The following OSBPL5 variants were observed in gnomAD, a reference collection of about 807,000 sequenced individuals.
The protein encoded by OSBPL5 is oxysterol-binding protein-related protein 5.
OSBPL5 carries 71 observed loss-of-function variants against 111.2 expected under a neutral mutation model. The observed-to-expected ratio is 0.64, with a 90% CI of 0.53 to 0.78. OSBPL5 has a LOEUF of 0.78. Among genes scored for constraint, OSBPL5 ranks in the 30% least tolerant of loss-of-function variants. The pLI is 0.00. For synonymous variants in OSBPL5, 549 were observed against 513.9 expected (o/e 1.07, Z -0.93); for missense variants, 1,210 against 1,189.3 (o/e 1.02, Z -0.26).
rs978298477 is a variant in OSBPL5, at chr11:3,105,485, G to C, written c.1060-1108C>G. ...GGGCTTGGAAATCATGGGTAGCTTC[G>C]GCTGTCAGGAATCCTGCTCTGTCCA... On this transcript the variant is annotated intron_variant, in intron 9 of 21. Coordinates refer to ENST00000263650, the MANE Select transcript of OSBPL5 (RefSeq NM_020896.4). The surrounding 1 kb of genome is among the most constrained non-coding windows in gnomAD (Gnocchi z 5.2). Among the ~76,000 whole-genome samples, 5 of 152,048 alleles carry C rather than the reference G, an allele frequency of 3.3e-5. 1 individual carries two copies. The highest frequency in any genetic ancestry group is 1.3e-4 in the Admixed American group (2 of 15,276).
rs1277817372 is a variant in OSBPL5, at chr11:3,131,443, T to C, written c.-21-2274A>G. On this transcript the variant is annotated intron_variant, in intron 1 of 21. Coordinates refer to ENST00000263650, the MANE Select transcript of OSBPL5 (RefSeq NM_020896.4). ...ATCTATCCATCAATCCATCCATCCA[T>C]CCATCTACCCATTCATCCATCCACC... Among the ~76,000 whole-genome samples, 7 of 140,762 alleles carry C rather than the reference T, an allele frequency of 5.0e-5. No homozygotes were observed. The Admixed American group carries it at 5.0e-4, about 10-fold the overall frequency. The allele number at this position is 140,762 out of a possible 152,430, so 92.3% of individuals were successfully genotyped here.
intron 10 of OSBPL5, among the ~76,000 whole-genome samples, chr11:3,103,793 T>A (rs150015595): frequency 0.11 from 3,952 of 34,732 alleles, 165 homozygotes; most frequent in South Asian, 0.15. Context: ...AGTCCCTTCC[T>A]GCCTCTGCAG....
Position 3,142,270 on chromosome 11 carries a change from C to T in OSBPL5, c.-21-13101G>A, listed in dbSNP as rs537186166. 1.5e-3 allele frequency among the ~76,000 whole-genome samples: 224 copies of T among 152,352 alleles called. 1 individual carries two copies. Among genetic ancestry groups the T allele is most frequent in the African/African-American group, 4.5e-3 (187 of 41,582 alleles). The stretch of plus-strand genomic sequence containing the variant: ...AGAAGCTGACTCGCCCAGGGCCACA[C>T]GGCAGGTTGGTGCAGGAGGTGCTGG... On this transcript the variant is annotated intron_variant, in intron 1 of 21. Coordinates refer to ENST00000263650, the MANE Select transcript of OSBPL5 (RefSeq NM_020896.4). The surrounding 1 kb of genome is among the most constrained non-coding windows in gnomAD (Gnocchi z 7.1).
chr11:3,091,190 G>C (rs917545156), intron 19 of OSBPL5, among the ~76,000 whole-genome samples: 8 of 152,256 alleles, frequency 5.3e-5, no homozygotes, highest in African/African-American at 1.9e-4. Context: ...ACAACCCCAG[G>C]AGTGCAGGCA....
chr11:3,164,630 A>C (rs1319303995), intron 1 of OSBPL5, among the ~76,000 whole-genome samples: 1 of 152,172 alleles, frequency 6.6e-6, no homozygotes, highest in Non-Finnish European at 1.5e-5. Context: ...TGCCCCAGAG[A>C]TGGGGGCTGT....
rs1354301627 is a variant in OSBPL5, at chr11:3,094,480, G to C, written c.1622-146C>G. 9 of 628,842 alleles carry C rather than the reference G, an allele frequency of 1.4e-5. No homozygotes were observed. In the Admixed American group the frequency reaches 2.1e-4, roughly 15 times the overall value. 39.0% of individuals were successfully genotyped at this position (628,842 alleles called of 1,614,324 possible). On this transcript the variant is annotated intron_variant, in intron 14 of 21. Transcript: ENST00000263650. ...GAGGCCTGTGTCAGTCCCTGGGAGG[G>C]TGAGAAGGACAGGAGGCGCTGGGAG...
rs376129071 is a variant in OSBPL5, at chr11:3,088,156, C to T, written c.*49G>A. On this transcript the variant is annotated 3_prime_UTR_variant, in exon 22 of 22. Transcript: ENST00000263650. Reference sequence around the variant, plus strand: ...TGGAGCAGGCTTAAAGTGCTGGGTGCCTGGGAGGGAGGGCTCAGGACCGGC... The same window carrying T: ...TGGAGCAGGCTTAAAGTGCTGGGTGTCTGGGAGGGAGGGCTCAGGACCGGC... The T allele has an allele frequency of 8.8e-6, 13 of 1,478,286 alleles. No individual in the cohort carries two copies. The African/African-American group carries it at 1.3e-4, about 15-fold the overall frequency. The allele number at this position is 1,478,286 out of a possible 1,614,324, so 91.6% of individuals were successfully genotyped here. A position where few individuals can be genotyped will look rare whatever the true frequency, so the allele number is the denominator to read the frequency against.
In OSBPL5 at chr11:3,162,712, C is replaced by T. The variant is rs923608694; in HGVS notation, c.-22+2504G>A. Among the ~76,000 whole-genome samples the T allele has an allele frequency of 6.6e-6, 1 of 152,008 alleles. No individual in the cohort carries two copies. The highest frequency in any genetic ancestry group is 2.4e-5 in the African/African-American group (1 of 41,386). On this transcript the variant is annotated intron_variant, in intron 1 of 21. Transcript: ENST00000263650. This position sits in a 1 kb window ranked among gnomAD's most constrained non-coding sequence, Gnocchi z 8.1. ...CAAAACCTTTAAAAATCTTGACCAG[C>T]CCAGGAGCCCCATCCTCAGGCTGTC...
intron 1 of OSBPL5, among the ~76,000 whole-genome samples, chr11:3,157,878 T>C (rs1846829223): frequency 6.6e-6 from 1 of 152,162 alleles, no homozygotes; most frequent in Non-Finnish European, 1.5e-5. Context: ...GGGTGGGGAT[T>C]CCTGACATCC....
chr11:3,093,724 GC>G, intron 16 of OSBPL5, 21 bp downstream of exon 16: 1 of 1,612,642 alleles, frequency 6.2e-7, no homozygotes, highest in Non-Finnish European at 8.5e-7. Context: ...GGCCGTGCCT[GC>G]CCTGAGGGAC....
Position 3,120,406 on chromosome 11 carries a change from A to C in OSBPL5, c.606+15T>G, listed in dbSNP as rs1208952714. On this transcript the variant is annotated intron_variant, in intron 6 of 21. Coordinates refer to ENST00000263650, the MANE Select transcript of OSBPL5 (RefSeq NM_020896.4). ...CTACGGGGCCTCTGTCTTCAACCCC[A>C]CCCCTCCGCAGCACCTTCACGGCCC... The C allele has an allele frequency of 6.2e-7, 1 of 1,607,508 alleles. No individual in the cohort carries two copies. The highest frequency in any genetic ancestry group is 2.2e-5 in the East Asian group (1 of 44,646).
intron 1 of OSBPL5, among the ~76,000 whole-genome samples, chr11:3,137,238 C>G (rs932969752): frequency 2.6e-5 from 4 of 152,240 alleles, no homozygotes; most frequent in African/African-American, 9.6e-5. Flanking sequence ...GACCAGGCTG[C>G]TGTGTCTGGG....
At chr11:3,133,958 G>T (rs1238851306) in intron 1 of OSBPL5, among the ~76,000 whole-genome samples, 1 of 151,044 alleles carries the variant, frequency 6.6e-6, no homozygotes, top group African/African-American at 2.5e-5. Context: ...AGAGGGAGTG[G>T]CTGGGGAAGA....
intron 1 of OSBPL5, among the ~76,000 whole-genome samples, chr11:3,136,660 T>C (rs1353382280): frequency 6.6e-6 from 1 of 152,184 alleles, no homozygotes. Context: ...AGGGAGATGA[T>C]GTCCCAGGCC....
chr11:3,134,731 C>T (rs962380624), intron 1 of OSBPL5, among the ~76,000 whole-genome samples: 2 of 147,992 alleles, frequency 1.4e-5, no homozygotes, highest in East Asian at 2.0e-4. Context: ...CGGGATGGGC[C>T]GGGGAGCCCA....
At chr11:3,136,376 G>A (rs1845948299) in intron 1 of OSBPL5, among the ~76,000 whole-genome samples, 1 of 152,254 alleles carries the variant, frequency 6.6e-6, no homozygotes, top group Admixed American at 6.5e-5. Context: ...GCCACATAGA[G>A]CCATCAGCTG....
At position 3,107,675 on chromosome 11, in the gene OSBPL5, AC is replaced by A; in HGVS notation, c.866+95del. The A allele has an allele frequency of 6.6e-7, 1 of 1,510,004 alleles. No individual in the cohort carries two copies. Among genetic ancestry groups the A allele is most frequent in the Non-Finnish European group, 9.0e-7 (1 of 1,109,952 alleles). The allele number at this position is 1,510,004 out of a possible 1,614,324, so 93.5% of individuals were successfully genotyped here. On this transcript the variant is annotated intron_variant, in intron 8 of 21. Transcript: ENST00000263650. The surrounding 1 kb of genome is among the most constrained non-coding windows in gnomAD (Gnocchi z 6.1). ...AGTCCCTGCGTGCAGCCTGCAGCCC[AC>A]CAGAGCAGTGGCTGGGGCTGTCCTC...
chr11:3,133,056 A>C (rs1238472229), intron 1 of OSBPL5, among the ~76,000 whole-genome samples: 1 of 152,178 alleles, frequency 6.6e-6, no homozygotes, highest in Non-Finnish European at 1.5e-5. Context: ...CAGGGTCCTC[A>C]GAGAGGTGAG....
chr11:3,150,632 G>A (rs1846550624), intron 1 of OSBPL5, among the ~76,000 whole-genome samples: 1 of 152,178 alleles, frequency 6.6e-6, no homozygotes, highest in African/African-American at 2.4e-5. Context: ...ATGCCTCTGG[G>A]GGGAGCAGAA....
Sources: allele counts gnomAD v4.1 joint callset (sites outside exome capture counted in the v4.1 genomes callset), GRCh38; gene constraint gnomAD v4.1.1; non-coding constraint Gnocchi (gnomAD v3.1); transcripts MANE v1.5; gene names NCBI Gene and HGNC (gene_info 2026-07-23, HGNC 2026-07-21).